Variants in ABCC8 observed in about 807,000 individuals in gnomAD.
ABCC8 encodes ATP-binding cassette sub-family C member 8.
ABCC8 carries 137 observed loss-of-function variants against 188.0 expected under a neutral mutation model. That is an observed-to-expected ratio of 0.73 (90% CI 0.63 to 0.84). The LOEUF is 0.84. ABCC8 is among the 40% of genes least tolerant of loss of function. The pLI, the probability that ABCC8 is intolerant of heterozygous loss-of-function variation, is 0.00. For missense variants in ABCC8, 1,750 were observed against 2,072.7 expected (o/e 0.84, Z 3.02); for synonymous variants, 797 against 846.5 (o/e 0.94, Z 1.01).
At chr11:17,460,852 GCCCTATCAACA>G (rs374143311) in intron 5 of ABCC8, 176 bp from the exon 6 acceptor site, 1 of 1,343,512 alleles carries the variant, frequency 7.4e-7, no homozygotes. Flanking sequence ...AGTTGGGAGG[GCCCTATCAACA>G]CCAACATGGT....
At chr11:17,440,960 G>C (rs967176746) in intron 10 of ABCC8, among the ~76,000 whole-genome samples, 1 of 152,196 alleles carries the variant, frequency 6.6e-6, no homozygotes, top group African/African-American at 2.4e-5. Context: ...ATACGCAGAT[G>C]ACCTGAGTGA....
intron 30 of ABCC8, 89 bp downstream of exon 30, chr11:17,398,250 A>G (rs1954047312): frequency 6.6e-7 from 1 of 1,518,632 alleles, no homozygotes; most frequent in Non-Finnish European, 9.1e-7. Flanking sequence ...CTGGTATCCT[A>G]TCCTCTCTTT....
At chr11:17,412,941 G>A (rs1400844954) in intron 20 of ABCC8, 195 bp from the exon 21 acceptor site, 2 of 1,248,096 alleles carry the variant, frequency 1.6e-6, no homozygotes, top group Non-Finnish European at 2.2e-6. Context: ...TGAGCCCCAA[G>A]TCTTTAAAGA....
chr11:17,475,340 C>T (rs1046189184), intron 1 of ABCC8, among the ~76,000 whole-genome samples: 2 of 152,162 alleles, frequency 1.3e-5, no homozygotes, highest in African/African-American at 4.8e-5. Flanking sequence ...GCCTCAGCCT[C>T]CTGAGTAGCT....
In ABCC8 at chr11:17,463,492, C is replaced by T; in HGVS notation, c.525G>A (p.Leu175=). Residue 175 remains leucine, a synonymous_variant, in exon 4 of 39, where the codon CTG becomes CTA. Coordinates refer to ENST00000389817, the MANE Select transcript of ABCC8 (RefSeq NM_000352.6). The stretch of plus-strand genomic sequence containing the variant: ...GGAGCAGCATCCCATAGAGGATCAC[C>T]AGCAGCCCTGTGAGGCAGAAGCGTA... ...SQLRFCLTGL[L]VILYGMLLLV... is the part of the protein sequence containing the mutation. 1 of 1,604,358 alleles carries T rather than the reference C, an allele frequency of 6.2e-7. No homozygotes were observed. The highest frequency in any genetic ancestry group is 1.1e-5 in the South Asian group (1 of 88,780).
At chr11:17,405,651 G>T in intron 26 of ABCC8, 88 bp from the exon 27 acceptor site, 1 of 1,603,948 alleles carries the variant, frequency 6.2e-7, no homozygotes, top group Non-Finnish European at 8.5e-7. Context: ...TTTCATGTAA[G>T]TGTCTCTGGA....
intron 10 of ABCC8, among the ~76,000 whole-genome samples, chr11:17,440,558 C>A (rs1956275037): frequency 6.6e-6 from 1 of 152,188 alleles, no homozygotes; most frequent in Non-Finnish European, 1.5e-5. Context: ...AGACCAGGAA[C>A]TTGGGGTGTC....
rs542947894 is a variant in ABCC8 at position 17,448,665 on chromosome 11, T to A, written c.1183A>T (p.Ile395Phe). Residue 395 changes from isoleucine (I) to phenylalanine (F), a missense_variant, in exon 8 of 39, where the codon ATT (isoleucine) becomes TTT (phenylalanine). Coordinates refer to ENST00000389817, the MANE Select transcript of ABCC8 (RefSeq NM_000352.6). ...INLRGAIQTK[I>F]YNKIMHLSTS... Reference sequence around the variant, plus strand: ...GACAGGTGCATAATTTTATTGTAAATCTTGGTCTAGAAATGAGAGCAGAGT... The same window carrying A: ...GACAGGTGCATAATTTTATTGTAAAACTTGGTCTAGAAATGAGAGCAGAGT... The A allele has an allele frequency of 2.5e-6, 4 of 1,614,152 alleles. No individual in the cohort carries two copies. The East Asian group carries it at 8.9e-5, about 36-fold the overall frequency.
rs772497897 is a variant in ABCC8 at position 17,404,397 on chromosome 11, G to A, written c.3557+115C>T. The A allele has an allele frequency of 5.3e-5, 59 of 1,117,756 alleles. No homozygotes were observed. The highest frequency in any genetic ancestry group is 6.9e-5 in the Non-Finnish European group (51 of 734,598). 69.2% of individuals were successfully genotyped at this position (1,117,756 alleles called of 1,614,324 possible). A position where few individuals can be genotyped will look rare whatever the true frequency, so the allele number is the denominator to read the frequency against. ...TCTATTTCCTTCATTTCTGTTTTTT[G>A]TTTTTATTTTTTGGAGGGAACACGA... On this transcript the variant is annotated intron_variant, in intron 28 of 38. Coordinates refer to ENST00000389817, the MANE Select transcript of ABCC8 (RefSeq NM_000352.6). The surrounding 1 kb of genome is among the most constrained non-coding windows in gnomAD (Gnocchi z 4.7).
rs761643668 is a variant in ABCC8, at chr11:17,404,499, CT to C, written c.3557+12del. 51 of 1,612,874 alleles carry C rather than the reference CT, an allele frequency of 3.2e-5. No individual in the cohort carries two copies. The African/African-American group carries it at 5.7e-4, about 18-fold the overall frequency. On this transcript the variant is annotated intron_variant, in intron 28 of 38. Coordinates refer to ENST00000389817, the MANE Select transcript of ABCC8 (RefSeq NM_000352.6). The surrounding 1 kb of genome is among the most constrained non-coding windows in gnomAD (Gnocchi z 4.7). Reference sequence around the variant, plus strand: ...GCAAAGCACCTCCCACCCCTCACCCCTGAGGCCATCACCTGGACGCCACCCG... The same window carrying C: ...GCAAAGCACCTCCCACCCCTCACCCCGAGGCCATCACCTGGACGCCACCCG...
intron 21 of ABCC8, 190 bp from the exon 22 acceptor site, chr11:17,410,843 G>T: frequency 2.5e-6 from 1 of 398,472 alleles, no homozygotes; most frequent in Non-Finnish European, 3.4e-6. Flanking sequence ...TGGGGCAGTT[G>T]TCAGATATCA....
At chr11:17,429,766 C>T (rs559741074) in intron 12 of ABCC8, 5 of 152,278 alleles carry the variant, frequency 3.3e-5, no homozygotes, top group African/African-American at 1.2e-4. Flanking sequence ...CCCACAACAC[C>T]CTGGTCAAGA....
intron 30 of ABCC8, 164 bp from the exon 31 acceptor site, chr11:17,397,961 G>C (rs1012443533): frequency 1.7e-5 from 15 of 883,682 alleles, no homozygotes; most frequent in Non-Finnish European, 1.9e-5. Flanking sequence ...GCGAAGGCTG[G>C]AGCCCCAGGA....
intron 30 of ABCC8, 88 bp downstream of exon 30, chr11:17,398,251 T>A (rs1198418314): frequency 2.6e-6 from 4 of 1,521,804 alleles, no homozygotes; most frequent in Non-Finnish European, 3.6e-6. Flanking sequence ...TGGTATCCTA[T>A]CCTCTCTTTC....
intron 7 of ABCC8, among the ~76,000 whole-genome samples, chr11:17,451,073 C>CA (rs1467401031): frequency 6.6e-6 from 1 of 152,088 alleles, no homozygotes; most frequent in Non-Finnish European, 1.5e-5. Context: ...AAGATTCAAG[C>CA]AATTTGATAA....
Position 17,412,829 on chromosome 11 carries a change from T to A in ABCC8, c.2476-83A>T, listed in dbSNP as rs999954891. 8 of 1,552,338 alleles carry A rather than the reference T, an allele frequency of 5.2e-6. No individual in the cohort carries two copies. The East Asian group carries it at 1.9e-4, about 38-fold the overall frequency. On this transcript the variant is annotated intron_variant, in intron 20 of 38. Coordinates refer to ENST00000389817, the MANE Select transcript of ABCC8 (RefSeq NM_000352.6). ...GTACCCTACTGGACTATGAGCTCTT[T>A]GGGATGGAGGCCTGGCTCTATCCAC... is the stretch of plus-strand genomic sequence containing the variant.
chr11:17,416,936 T>C lies in ABCC8; in HGVS notation c.2249A>G (p.Asp750Gly). Residue 750 changes from aspartate (D) to glycine (G), a missense_variant, in exon 17 of 39, where the codon GAC becomes GGC. Coordinates refer to ENST00000389817, the MANE Select transcript of ABCC8 (RefSeq NM_000352.6). ...SSLPDSEIGE[D>G]PSPERETATD... ...CCCAGTCCCAAGGCTGTACCTGGGG[T>C]CCTCTCCTATCTCGCTGTCAGGAAG... 1 of 1,610,118 alleles carries C rather than the reference T, an allele frequency of 6.2e-7. No individual in the cohort carries two copies. Among genetic ancestry groups the C allele is most frequent in the Non-Finnish European group, 8.5e-7 (1 of 1,179,116 alleles).
At position 17,427,247 on chromosome 11, in the gene ABCC8, TG is replaced by T; in HGVS notation, c.2117-94del. 1 of 1,394,242 alleles carries T rather than the reference TG, an allele frequency of 7.2e-7. No homozygotes were observed. The highest frequency in any genetic ancestry group is 9.3e-7 in the Non-Finnish European group (1 of 1,074,812). The allele number at this position is 1,394,242 out of a possible 1,614,324, so 86.4% of individuals were successfully genotyped here. A position where few individuals can be genotyped will look rare whatever the true frequency, so the allele number is the denominator to read the frequency against. On this transcript the variant is annotated intron_variant, in intron 15 of 38. Transcript: ENST00000389817. The surrounding 1 kb of genome is among the most constrained non-coding windows in gnomAD (Gnocchi z 5.0). ...ACAGACAGACAGATGCACCCAACCC[TG>T]GGGCCCCTGTTTTCTTTCTTCCTAC... is the stretch of plus-strand genomic sequence containing the variant.
chr11:17,460,944 C>T, intron 5 of ABCC8: 2 of 585,764 alleles, frequency 3.4e-6, no homozygotes, highest in East Asian at 3.3e-5. Context: ...GTGATGAGCA[C>T]AGCACTGGAA....
Sources: allele counts gnomAD v4.1 joint callset (sites outside exome capture counted in the v4.1 genomes callset), GRCh38; gene constraint gnomAD v4.1.1; non-coding constraint Gnocchi (gnomAD v3.1); transcripts MANE v1.5; gene names NCBI Gene and HGNC (gene_info 2026-07-23, HGNC 2026-07-21).